ACBD6: variants seen among roughly 807,000 people sequenced by gnomAD.
The protein encoded by ACBD6 is acyl-CoA binding domain containing 6, also known as acyl-CoA-binding domain-containing protein 6.
ACBD6 carries 28 observed loss-of-function variants against 37.2 expected under a neutral mutation model. The ratio of observed to expected loss-of-function variants is 0.75; its 90% CI spans 0.56 to 1.03. The LOEUF is 1.03. Among genes scored for constraint, ACBD6 ranks in the 50% least tolerant of loss-of-function variants. The pLI is 0.00. For synonymous variants in ACBD6, 113 were observed against 126.8 expected, an observed-to-expected ratio of 0.89 and a Z score of 0.73; for missense variants, 340 against 337.4, an observed-to-expected ratio of 1.01 and a Z score of -0.06.
intron 6 of ACBD6, among the ~76,000 whole-genome samples, chr1:180,335,810 G>C (rs1558254866): frequency 6.9e-6 from 1 of 145,336 alleles, no homozygotes; most frequent in Non-Finnish European, 1.6e-5. Flanking sequence ...TAAAGGGATG[G>C]AGGAAGATCT....
At chr1:180,308,463 T>C (rs185285412) in intron 7 of ACBD6, among the ~76,000 whole-genome samples, 180 of 152,340 alleles carry the variant, frequency 1.2e-3, no homozygotes, top group African/African-American at 4.2e-3. Flanking sequence ...AGTACACTTA[T>C]GTTAATTTCT....
At chr1:180,286,773 TAAG>T (rs1649515097), downstream of ACBD6, among the ~76,000 whole-genome samples, 1 of 152,116 alleles carries the variant, frequency 6.6e-6, no homozygotes, top group Non-Finnish European at 1.5e-5. Context: ...TCTCAGAAAA[TAAG>T]AAGTTAAGAT....
intron 5 of ACBD6, among the ~76,000 whole-genome samples, chr1:180,400,966 T>A (rs563600954): frequency 2.6e-5 from 4 of 152,368 alleles, no homozygotes; most frequent in Admixed American, 1.3e-4. Flanking sequence ...CATATTTGTC[T>A]ATATAATTGT....
chr1:180,487,382 T>C (rs1262032436), intron 3 of ACBD6, among the ~76,000 whole-genome samples: 1 of 152,170 alleles, frequency 6.6e-6, no homozygotes, highest in African/African-American at 2.4e-5. Flanking sequence ...TTCTGGGCAG[T>C]GTGATGAAAT....
chr1:180,273,989 T>C, exon 11 of ACBD6: 1 of 623,564 alleles, frequency 1.6e-6, no homozygotes, highest in South Asian at 1.9e-5. Flanking sequence ...TGCAGGTGTT[T>C]CTTGTTTTTC....
At chr1:180,446,136 G>T (rs1399000223) in intron 3 of ACBD6, among the ~76,000 whole-genome samples, 2 of 151,720 alleles carry the variant, frequency 1.3e-5, no homozygotes, top group Admixed American at 6.6e-5. Flanking sequence ...CCAAGTAGCT[G>T]GGACCACAAG....
chr1:180,320,370 T>C (rs1373366776), intron 6 of ACBD6, among the ~76,000 whole-genome samples: 1 of 152,180 alleles, frequency 6.6e-6, no homozygotes. Context: ...AGCGTGTGGG[T>C]CACGCCTGTA....
chr1:180,297,443 T>A (rs34153726), intron 7 of ACBD6, among the ~76,000 whole-genome samples: 2 of 152,310 alleles, frequency 1.3e-5, no homozygotes, highest in Non-Finnish European at 2.9e-5. Context: ...CCTTCAGCGA[T>A]GTGGGGTTTC....
intron 6 of ACBD6, among the ~76,000 whole-genome samples, chr1:180,329,949 G>A (rs761394363): frequency 6.6e-6 from 1 of 152,124 alleles, no homozygotes; most frequent in Non-Finnish European, 1.5e-5. Flanking sequence ...ATAGTTACAA[G>A]ATAACTTTCT....
chr1:180,375,604 G>A (rs1348969417), intron 6 of ACBD6, among the ~76,000 whole-genome samples: 1 of 152,196 alleles, frequency 6.6e-6, no homozygotes, highest in Non-Finnish European at 1.5e-5. Flanking sequence ...GGAATTATAG[G>A]CGTGAGCCAC....
chr1:180,454,047 A>G (rs1264096502), intron 3 of ACBD6, among the ~76,000 whole-genome samples: 1 of 152,214 alleles, frequency 6.6e-6, no homozygotes, highest in Non-Finnish European at 1.5e-5. Context: ...ATGGAACCAA[A>G]AAAGAGCCCA....
At chr1:180,274,714 A>T in exon 10 of ACBD6, 1 of 1,089,438 alleles carries the variant, frequency 9.2e-7, no homozygotes, top group Non-Finnish European at 1.3e-6. Context: ...TCCTCCGCTG[A>T]TTCCTAGAAG....
At chr1:180,335,269 A>G (rs1041216405) in intron 6 of ACBD6, among the ~76,000 whole-genome samples, 17 of 152,194 alleles carry the variant, frequency 1.1e-4, no homozygotes, top group Non-Finnish European at 2.9e-5. Context: ...GAGAAAGGTC[A>G]GGTAACCCAC....
chr1:180,306,663 G>A (rs1241218264), intron 7 of ACBD6, among the ~76,000 whole-genome samples: 2 of 152,164 alleles, frequency 1.3e-5, no homozygotes, highest in Admixed American at 1.3e-4. Context: ...CTGCTGTATA[G>A]TATTCTAGCA....
chr1:180,411,563 A>G (rs1647857519), intron 5 of ACBD6, among the ~76,000 whole-genome samples: 1 of 152,202 alleles, frequency 6.6e-6, no homozygotes, highest in Admixed American at 6.5e-5. Context: ...TGATTGTCAG[A>G]ATTTTTTAGT....
At chr1:180,436,658 T>C (rs1649050256) in intron 3 of ACBD6, among the ~76,000 whole-genome samples, 1 of 152,214 alleles carries the variant, frequency 6.6e-6, no homozygotes, top group Non-Finnish European at 1.5e-5. Context: ...TGGACTTCTG[T>C]TGTATTCTCA....
intron 6 of ACBD6, among the ~76,000 whole-genome samples, chr1:180,366,042 A>C (rs1653042945): frequency 6.6e-6 from 1 of 152,196 alleles, no homozygotes; most frequent in African/African-American, 2.4e-5. Context: ...GGTTCTTATA[A>C]TGTTACATTT....
At chr1:180,439,990 G>T (rs996831290) in intron 3 of ACBD6, among the ~76,000 whole-genome samples, 1 of 152,102 alleles carries the variant, frequency 6.6e-6, no homozygotes, top group Non-Finnish European at 1.5e-5. Context: ...CCTTTATGGA[G>T]GTCCAAATTT....
chr1:180,360,417 T>G (rs1402738268), intron 6 of ACBD6, among the ~76,000 whole-genome samples: 1 of 152,196 alleles, frequency 6.6e-6, no homozygotes, highest in Non-Finnish European at 1.5e-5. Context: ...TTTTCACACA[T>G]GCCCTTGGCC....
Sources: allele counts gnomAD v4.1 joint callset (sites outside exome capture counted in the v4.1 genomes callset), GRCh38; gene constraint gnomAD v4.1.1; transcripts MANE v1.5; gene names NCBI Gene and HGNC (gene_info 2026-07-23, HGNC 2026-07-21).